The following CACNB3 variants were observed in gnomAD, a reference collection of about 807,000 sequenced individuals.
CACNB3 encodes the protein calcium voltage-gated channel auxiliary subunit beta 3.
Under a neutral mutation model 63.7 loss-of-function variants are expected in CACNB3, and 36 were observed. That is an observed-to-expected ratio of 0.57 (90% CI 0.43 to 0.75). The LOEUF (loss-of-function observed/expected upper bound fraction) is 0.75, where lower values mean the gene tolerates loss of function less well. CACNB3 is among the 30% of genes least tolerant of loss of function. The pLI is 0.00. For synonymous variants in CACNB3, 241 were observed against 250.6 expected (o/e 0.96, Z 0.36); for missense variants, 493 against 648.6 (o/e 0.76, Z 2.61).
chr12:48,824,234 C>A (rs199837707), intron 3 of CACNB3, 24 bp from the exon 4 acceptor site: 10 of 1,588,136 alleles, frequency 6.3e-6, no homozygotes, highest in Non-Finnish European at 7.7e-6. Context: ...TCTCACCACC[C>A]CTTCCTGCTC....
At chr12:48,824,160 C>G in intron 3 of CACNB3, 98 bp from the exon 4 acceptor site, 2 of 1,020,450 alleles carry the variant, frequency 2.0e-6, no homozygotes. Flanking sequence ...TTCCTCAGAC[C>G]AGCTCAGTGA....
chr12:48,827,924 C>A lies in CACNB3; in HGVS notation c.*25C>A. 1 of 1,596,736 alleles carries A rather than the reference C, an allele frequency of 6.3e-7. No individual in the cohort carries two copies. Among genetic ancestry groups the A allele is most frequent in the Non-Finnish European group, 8.6e-7 (1 of 1,167,702 alleles). ...ACAGCCTCCTGCTGCCCTACCCTGG[C>A]AGGCACAGGCGCAGCTGGCTGGGGG... On this transcript the variant is annotated 3_prime_UTR_variant, in exon 13 of 13. Coordinates refer to ENST00000301050, the MANE Select transcript of CACNB3 (RefSeq NM_000725.4).
chr12:48,823,434 A>G lies in CACNB3; in HGVS notation c.136A>G (p.Ser46Gly), dbSNP rs1356924730. 6.2e-7 allele frequency: 1 copy of G among 1,614,088 alleles called. No homozygotes were observed. The highest frequency in any genetic ancestry group is 8.5e-7 in the Non-Finnish European group (1 of 1,180,002). The change falls in exon 2 of 13, where the codon AGC becomes GGC. Residue 46 changes from serine (S) to glycine (G), a missense_variant. Coordinates refer to ENST00000301050, the MANE Select transcript of CACNB3 (RefSeq NM_000725.4). The surrounding 1 kb of genome is among the most constrained non-coding windows in gnomAD (Gnocchi z 4.2). ...GGAGAGTGCCCGGCGTGAAGTAGAGAGCCAGGCTCAGCAGCAGCTCGAAAG... is the reference window on the plus strand; with the variant it reads ...GGAGAGTGCCCGGCGTGAAGTAGAGGGCCAGGCTCAGCAGCAGCTCGAAAG... ...DRESARREVE[S>G]QAQQQLERAK...
chr12:48,821,431 T>C (rs1937843390), intron 1 of CACNB3: 1 of 152,138 alleles, frequency 6.6e-6, no homozygotes, highest in Non-Finnish European at 1.5e-5. Context: ...TGAGCTACGA[T>C]TGTGCCACTA....
chr12:48,826,271 A>G lies in CACNB3; in HGVS notation c.743-96A>G, dbSNP rs1438261338. 7 of 1,291,716 alleles carry G rather than the reference A, an allele frequency of 5.4e-6. No homozygotes were observed. The highest frequency in any genetic ancestry group is 5.5e-6 in the Non-Finnish European group (5 of 907,382). The allele number at this position is 1,291,716 out of a possible 1,614,324, so 80.0% of individuals were successfully genotyped here. A position where few individuals can be genotyped will look rare whatever the true frequency, so the allele number is the denominator to read the frequency against. On this transcript the variant is annotated intron_variant, in intron 9 of 12. Coordinates refer to ENST00000301050, the MANE Select transcript of CACNB3 (RefSeq NM_000725.4). The surrounding 1 kb of genome is among the most constrained non-coding windows in gnomAD (Gnocchi z 4.8). ...CTTCGATGAATGCCCTTTTCCTCCA[A>G]TTCCTTCCTGTCCACCATTCGGGAG...
At chr12:48,822,704 C>CA (rs1343543442) in intron 1 of CACNB3, among the ~76,000 whole-genome samples, 1 of 152,156 alleles carries the variant, frequency 6.6e-6, no homozygotes, top group Non-Finnish European at 1.5e-5. Context: ...GTGGGGAGAG[C>CA]AAAGGGGAGG....
In CACNB3 at chr12:48,827,117, A is replaced by G. The variant is rs1938183711; in HGVS notation, c.1134A>G (p.Gly378=). 1.9e-6 allele frequency: 3 copies of G among 1,612,188 alleles called. No homozygotes were observed. The East Asian group carries it at 6.7e-5, about 36-fold the overall frequency. ...TGGGTCCTCCCAGTGCCATCCCCGG[A>G]CTTCAGGTAACCATTTCCAGTGGGC... The part of the protein sequence containing the change: ...GLLGPPSAIP[G]LQNQQLLGER... The change falls in exon 12 of 13, where the codon GGA becomes GGG. Residue 378 remains glycine (G), a synonymous_variant. Coordinates refer to ENST00000301050, the MANE Select transcript of CACNB3 (RefSeq NM_000725.4).
upstream of CACNB3, chr12:48,815,636 C>A: frequency 6.5e-7 from 1 of 1,532,144 alleles, no homozygotes; most frequent in Non-Finnish European, 8.7e-7. Context: ...GTTTTGCTCC[C>A]GCCTCGGAGC....
rs1351542391 is a variant in CACNB3, at chr12:48,823,284, G to A, written c.46-60G>A. 14 of 1,586,722 alleles carry A rather than the reference G, an allele frequency of 8.8e-6. No individual in the cohort carries two copies. The highest frequency in any genetic ancestry group is 1.2e-5 in the Non-Finnish European group (14 of 1,164,682). On this transcript the variant is annotated intron_variant, in intron 1 of 12. Coordinates refer to ENST00000301050, the MANE Select transcript of CACNB3 (RefSeq NM_000725.4). This position sits in a 1 kb window ranked among gnomAD's most constrained non-coding sequence, Gnocchi z 4.2. ...GAGGCAACACTGTAAGGTGAGGAGG[G>A]TGCCTCCATGGCATCCTTCATGCCG...
chr12:48,815,040 G>C (rs1942251486), upstream of CACNB3: 1 of 160,814 alleles, frequency 6.2e-6, no homozygotes, highest in South Asian at 1.9e-4. Context: ...TGGAGACACA[G>C]AGCCGAGCCG....
intron 1 of CACNB3, among the ~76,000 whole-genome samples, chr12:48,822,460 C>A (rs1020906368): frequency 6.6e-6 from 1 of 152,188 alleles, no homozygotes; most frequent in Non-Finnish European, 1.5e-5. Flanking sequence ...ACCCCCTCCC[C>A]ACATCCCCGG....
rs1045652124 is a variant in CACNB3, at chr12:48,818,585, C to G, written c.-345C>G. 9.2e-7 allele frequency: 1 copy of G among 1,084,998 alleles called. No homozygotes were observed. Among genetic ancestry groups the G allele is most frequent in the African/African-American group, 1.7e-5 (1 of 59,452 alleles). 67.2% of individuals were successfully genotyped at this position (1,084,998 alleles called of 1,614,324 possible). A position where few individuals can be genotyped will look rare whatever the true frequency, so the allele number is the denominator to read the frequency against. ...TTCGTTCCCCTCTCCCGGCCTGGCC[C>G]GGGCTCCCCGGTGGCCGCCGCCCCC... is the stretch of plus-strand genomic sequence containing the variant. On this transcript the variant is annotated 5_prime_UTR_variant, in exon 1 of 13. Transcript: ENST00000301050. The surrounding 1 kb of genome is among the most constrained non-coding windows in gnomAD (Gnocchi z 4.3).
At chr12:48,814,503 G>A, upstream of CACNB3, 1 of 1,530,648 alleles carries the variant, frequency 6.5e-7, no homozygotes, top group East Asian at 2.5e-5. The surrounding 1 kb of genome is among the most constrained non-coding windows in gnomAD (Gnocchi z 6.9). Context: ...CCCAGTCCCG[G>A]CCAGGACGCT....
intron 1 of CACNB3, chr12:48,820,730 C>T (rs563373845): frequency 9.2e-5 from 14 of 152,348 alleles, no homozygotes; most frequent in African/African-American, 3.1e-4. Flanking sequence ...CCCTGGCCTC[C>T]CCAAGTAATA....
At position 48,824,405 on chromosome 12, in the gene CACNB3, C is replaced by T. The variant is rs765276387; in HGVS notation, c.407+32C>T. On this transcript the variant is annotated intron_variant, in intron 4 of 12. Transcript: ENST00000301050. ...GTTGGGCCATGAGTCAGTAAACACA[C>T]CCCAAACACTTGCACTGTACCCACA... 5 of 1,543,736 alleles carry T rather than the reference C, an allele frequency of 3.2e-6. No homozygotes were observed. The African/African-American group carries it at 4.1e-5, about 13-fold the overall frequency.
At chr12:48,824,179 C>T in intron 3 of CACNB3, 79 bp from the exon 4 acceptor site, 1 of 1,185,854 alleles carries the variant, frequency 8.4e-7, no homozygotes, top group East Asian at 2.5e-5. Context: ...GACTGCCTCG[C>T]TGGCTCCTTC....
chr12:48,822,075 G>A (rs1937877760), intron 1 of CACNB3, among the ~76,000 whole-genome samples: 1 of 152,120 alleles, frequency 6.6e-6, no homozygotes, highest in South Asian at 2.1e-4. Context: ...CAGTGAGCTT[G>A]AGAGAATGTT....
Position 48,818,804 on chromosome 12 carries a change from C to G in CACNB3, c.-126C>G. On this transcript the variant is annotated 5_prime_UTR_variant, in exon 1 of 13. Transcript: ENST00000301050. The surrounding 1 kb of genome is among the most constrained non-coding windows in gnomAD (Gnocchi z 4.3). ...GCTCCCTCCTTCGCGCTCTCTCGCT[C>G]CCTGCCGCCGCCCGCAGGGCTGCGG... 1 of 1,367,426 alleles carries G rather than the reference C, an allele frequency of 7.3e-7. No homozygotes were observed. The allele number at this position is 1,367,426 out of a possible 1,614,324, so 84.7% of individuals were successfully genotyped here.
At chr12:48,818,000 C>T (rs1298403858), upstream of CACNB3, 1 of 152,338 alleles carries the variant, frequency 6.6e-6, no homozygotes, top group East Asian at 1.9e-4. Flanking sequence ...GAAAGTTCCC[C>T]CCTTCTCAAG....
Sources: allele counts gnomAD v4.1 joint callset (sites outside exome capture counted in the v4.1 genomes callset), GRCh38; gene constraint gnomAD v4.1.1; non-coding constraint Gnocchi (gnomAD v3.1); transcripts MANE v1.5; gene names NCBI Gene and HGNC (gene_info 2026-07-23, HGNC 2026-07-21).